Variants in BICD1 observed in about 807,000 individuals in gnomAD.
The protein encoded by BICD1 is protein bicaudal D homolog 1.
BICD1 carries 35 observed loss-of-function variants against 92.5 expected under a neutral mutation model. The observed-to-expected ratio is 0.38, with a 90% confidence interval of 0.29 to 0.50. The LOEUF is 0.50. Ranked by LOEUF, BICD1 falls within the 20% of genes least tolerant of loss-of-function variation. The pLI is 0.93. For missense variants in BICD1, 950 were observed against 1,189.8 expected, an observed-to-expected ratio of 0.80 and a Z score of 2.97; for synonymous variants, 429 against 465.1, an observed-to-expected ratio of 0.92 and a Z score of 1.00.
At chr12:32,189,979 G>A (rs572222015) in intron 1 of BICD1, among the ~76,000 whole-genome samples, 3 of 152,264 alleles carry the variant, frequency 2.0e-5, no homozygotes, top group Admixed American at 2.0e-4. Context: ...GATTACAGGC[G>A]TGAGCCACCG....
chr12:32,337,640 G>A lies in BICD1; in HGVS notation c.2394G>A (p.Glu798=). 2.5e-6 allele frequency: 4 copies of A among 1,614,188 alleles called. No homozygotes were observed. Among genetic ancestry groups the A allele is most frequent in the Non-Finnish European group, 3.4e-6 (4 of 1,180,030 alleles). Residue 798 remains glutamate (E), a synonymous_variant, in exon 7 of 10, where the codon GAG becomes GAA. Coordinates refer to ENST00000652176, the MANE Select transcript of BICD1 (RefSeq NM_001714.4). The surrounding 1 kb of genome is among the most constrained non-coding windows in gnomAD (Gnocchi z 4.7). ...LALTQRLEDL[E]FDHEQSRRSK... ...TGACCCAGAGGCTGGAGGACTTAGA[G>A]TTTGACCATGAGCAGTCCCGACGCA...
Position 32,337,786 on chromosome 12 carries a change from T to C in BICD1, c.2540T>C (p.Ile847Thr). 6.2e-7 allele frequency: 1 copy of C among 1,614,070 alleles called. No individual in the cohort carries two copies. The highest frequency in any genetic ancestry group is 1.1e-5 in the South Asian group (1 of 91,066). The change falls in exon 7 of 10, where the codon ATT (isoleucine) becomes ACT (threonine). Residue 847 changes from isoleucine (I) to threonine (T), a missense_variant. By Grantham distance (89) the Ile-to-Thr change is moderately conservative. This residue lies in a region of BICD1 where 179 missense variants were observed against 186.7 expected (regional missense o/e 0.96). Transcript: ENST00000652176. This position sits in a 1 kb window ranked among gnomAD's most constrained non-coding sequence, Gnocchi z 4.7. ...LHSQGPQTPN[I>T]RVSSGTQRKR... is the part of the protein sequence containing the mutation. ...AGTCAGGGCCCACAGACACCCAACA[T>C]TCGGGTCAGCAGTGGCACTCAGAGG...
At chr12:32,114,044 AT>A (rs1467426329) in intron 1 of BICD1, among the ~76,000 whole-genome samples, 1 of 151,402 alleles carries the variant, frequency 6.6e-6, no homozygotes. Flanking sequence ...TAGTTTTTGT[AT>A]TTTTTTTAGT....
At position 32,224,748 on chromosome 12, in the gene BICD1, C is replaced by T. The variant is rs150983500; in HGVS notation, c.426+8289C>T. Among the ~76,000 whole-genome samples, 1,275 of 152,276 alleles carry T rather than the reference C, an allele frequency of 8.4e-3. 17 individuals carry two copies. The highest frequency in any genetic ancestry group is 0.029 in the African/African-American group (1,204 of 41,556). ...ATGGAGTCTTGCTCTGTCACCCAGG[C>T]TGGAGTGCAGTGTTGCAATCTCGGC... On this transcript the variant is annotated intron_variant, in intron 2 of 9. Coordinates refer to ENST00000652176, the MANE Select transcript of BICD1 (RefSeq NM_001714.4).
chr12:32,376,853 A>C (rs1939989303), intron 9 of BICD1, among the ~76,000 whole-genome samples: 1 of 124,250 alleles, frequency 8.0e-6, no homozygotes, highest in African/African-American at 3.1e-5. Context: ...GGGCAAAACA[A>C]CGAGACTCCA....
chr12:32,276,895 G>A (rs1947288892), intron 2 of BICD1, among the ~76,000 whole-genome samples: 1 of 152,080 alleles, frequency 6.6e-6, no homozygotes, highest in South Asian at 2.1e-4. Context: ...TAAGCAATAG[G>A]TAAAAAAATG....
intron 1 of BICD1, among the ~76,000 whole-genome samples, chr12:32,202,754 G>A (rs897442523): frequency 2.0e-5 from 3 of 152,034 alleles, no homozygotes; most frequent in Admixed American, 6.6e-5. Context: ...GGAACTACAG[G>A]TGTGCACCAC....
chr12:32,317,805 G>T (rs1292860922), intron 4 of BICD1, among the ~76,000 whole-genome samples: 1 of 151,626 alleles, frequency 6.6e-6, no homozygotes, highest in African/African-American at 2.4e-5. Flanking sequence ...GTCCTGAATG[G>T]TATTGCCTAG....
intron 2 of BICD1, among the ~76,000 whole-genome samples, chr12:32,217,744 G>T (rs1845243985): frequency 6.6e-6 from 1 of 152,280 alleles, no homozygotes; most frequent in South Asian, 2.1e-4. Flanking sequence ...CTGAGACAGG[G>T]TGTCACTCTA....
At position 32,243,185 on chromosome 12, in the gene BICD1, C is replaced by T. The variant is rs151159231; in HGVS notation, c.426+26726C>T. Among the ~76,000 whole-genome samples, 733 of 151,336 alleles carry T rather than the reference C, an allele frequency of 4.8e-3. 6 individuals carry two copies. The highest frequency in any genetic ancestry group is 0.017 in the African/African-American group (701 of 41,244). The stretch of plus-strand genomic sequence containing the variant: ...CGATCTTGGCTCACTGCAACCTCCA[C>T]CTCCCAGGCTCAAGAGATCCTCCCA... On this transcript the variant is annotated intron_variant, in intron 2 of 9. Transcript: ENST00000652176.
At chr12:32,110,912 C>T (rs1274611724) in intron 1 of BICD1, among the ~76,000 whole-genome samples, 1 of 151,430 alleles carries the variant, frequency 6.6e-6, no homozygotes, top group Non-Finnish European at 1.5e-5. Flanking sequence ...GGGTGCAGCA[C>T]ACCAGCATGG....
chr12:32,139,975 G>A (rs1349952722), intron 1 of BICD1, among the ~76,000 whole-genome samples: 5 of 152,144 alleles, frequency 3.3e-5, no homozygotes, highest in African/African-American at 1.2e-4. Context: ...CCATCTGTCC[G>A]TGTACCGAGG....
At chr12:32,355,789 C>T (rs149444228) in intron 8 of BICD1, among the ~76,000 whole-genome samples, 1 of 150,304 alleles carries the variant, frequency 6.7e-6, no homozygotes, top group South Asian at 2.1e-4. Context: ...GCCTGGGTGA[C>T]GGAGCAAGAC....
chr12:32,235,089 C>T (rs12228917), intron 2 of BICD1, among the ~76,000 whole-genome samples: 7,367 of 152,172 alleles, frequency 0.048, 290 homozygotes, highest in East Asian at 0.21. Context: ...GCTTGGCACA[C>T]AATATTCCTA....
intron 2 of BICD1, among the ~76,000 whole-genome samples, chr12:32,217,842 G>A (rs1284540284): frequency 6.6e-6 from 1 of 152,202 alleles, no homozygotes; most frequent in African/African-American, 2.4e-5. Context: ...CACCATTCTG[G>A]ATTAAGGAAG....
At chr12:32,199,457 C>T (rs548196505) in intron 1 of BICD1, among the ~76,000 whole-genome samples, 4 of 152,084 alleles carry the variant, frequency 2.6e-5, no homozygotes, top group East Asian at 1.9e-4. Context: ...TGCTATTTCT[C>T]GTGGCCCAAT....
intron 2 of BICD1, among the ~76,000 whole-genome samples, chr12:32,228,795 A>C (rs1001287843): frequency 6.6e-6 from 1 of 152,206 alleles, no homozygotes; most frequent in African/African-American, 2.4e-5. Context: ...TGAGATGGGA[A>C]AACCTTCAAA....
At chr12:32,219,326 A>G (rs1357221024) in intron 2 of BICD1, among the ~76,000 whole-genome samples, 1 of 152,194 alleles carries the variant, frequency 6.6e-6, no homozygotes, top group Non-Finnish European at 1.5e-5. Context: ...TGTGATTACA[A>G]TGTCAAATTC....
intron 2 of BICD1, among the ~76,000 whole-genome samples, chr12:32,265,077 C>T (rs1333908771): frequency 6.6e-6 from 1 of 152,022 alleles, no homozygotes; most frequent in Non-Finnish European, 1.5e-5. Context: ...AGCCCCCTCT[C>T]CTTACCTCCA....
Sources: allele counts gnomAD v4.1 joint callset (sites outside exome capture counted in the v4.1 genomes callset), GRCh38; gene constraint gnomAD v4.1.1; regional missense constraint gnomAD v4.1.1; non-coding constraint Gnocchi (gnomAD v3.1); transcripts MANE v1.5; gene names NCBI Gene and HGNC (gene_info 2026-07-23, HGNC 2026-07-21).